The following TAFA5 variants were observed in gnomAD, a reference collection of about 807,000 sequenced individuals.
The protein encoded by TAFA5 is chemokine-like protein TAFA-5.
A neutral mutation model predicts 15.3 loss-of-function variants in TAFA5; 6 were observed. That is an observed-to-expected ratio of 0.39 (90% CI 0.21 to 0.77). The LOEUF is 0.77. Ranked by LOEUF, TAFA5 falls within the 30% of genes least tolerant of loss-of-function variation. The pLI, the probability that TAFA5 is intolerant of heterozygous loss-of-function variation, is 0.41. For missense variants in TAFA5, 161 were observed against 193.1 expected, an observed-to-expected ratio of 0.83 and a Z score of 0.98; for synonymous variants, 103 against 80.7, an observed-to-expected ratio of 1.28 and a Z score of -1.48.
rs527318072 is a variant in TAFA5 at position 48,533,791 on chromosome 22, C to G, written c.112+44087C>G. Among the ~76,000 whole-genome samples, 3 of 152,312 alleles carry G rather than the reference C, an allele frequency of 2.0e-5. No individual in the cohort carries two copies. The East Asian group carries it at 5.8e-4, about 29-fold the overall frequency. On this transcript the variant is annotated intron_variant, in intron 1 of 3. Transcript: ENST00000402357. ...CAAACCTTTTTTTTTCCTTTTCCCA[C>G]CTGTCCTTTCTTGCTGTACAGAGAA...
intron 1 of TAFA5, among the ~76,000 whole-genome samples, chr22:48,600,444 A>T (rs1036375705): frequency 2.0e-5 from 3 of 152,196 alleles, no homozygotes; most frequent in African/African-American, 7.2e-5. Context: ...TTGTGGCCAC[A>T]CGGGCCTTGT....
chr22:48,618,327 C>T (rs1925686462), intron 1 of TAFA5, among the ~76,000 whole-genome samples: 1 of 152,224 alleles, frequency 6.6e-6, no homozygotes, highest in East Asian at 1.9e-4. Flanking sequence ...AGCCTGTGCA[C>T]TGACGCTCGC....
At chr22:48,643,757 C>T (rs1282819455) in intron 1 of TAFA5, among the ~76,000 whole-genome samples, 4 of 152,286 alleles carry the variant, frequency 2.6e-5, no homozygotes, top group African/African-American at 9.6e-5. Flanking sequence ...TCCAGAGCTG[C>T]CCCATTTTGG....
intron 1 of TAFA5, among the ~76,000 whole-genome samples, chr22:48,534,794 G>A (rs896475202): frequency 6.6e-6 from 1 of 152,192 alleles, no homozygotes; most frequent in African/African-American, 2.4e-5. Flanking sequence ...AGCGGGCTCT[G>A]CTGCAGGTCA....
Position 48,693,039 on chromosome 22 carries a change from C to T in TAFA5, c.263-14678C>T, listed in dbSNP as rs184068558. Among the ~76,000 whole-genome samples the T allele has an allele frequency of 9.0e-4, 137 of 152,290 alleles. 1 individual carries two copies. The Middle Eastern group carries it at 0.014, about 15-fold the overall frequency. On this transcript the variant is annotated intron_variant, in intron 2 of 3. Transcript: ENST00000402357. ...CACAGAACTCAGCAGAACTCAGCAG[C>T]GTGTTTGTCAAGGGCACTTACTCAG... is the stretch of plus-strand genomic sequence containing the variant.
intron 1 of TAFA5, chr22:48,576,509 TG>T: frequency 6.6e-7 from 1 of 1,505,036 alleles, no homozygotes; most frequent in African/African-American, 1.4e-5. Context: ...CTCTGGGCAC[TG>T]GCAGGGGCCG....
At chr22:48,492,127 TC>T (rs71316947) in intron 1 of TAFA5, among the ~76,000 whole-genome samples, 172 of 147,174 alleles carry the variant, frequency 1.2e-3, no homozygotes, top group African/African-American at 3.6e-3. Flanking sequence ...AGAAAAAAAA[TC>T]CCCCCCCCTT....
chr22:48,602,740 C>T (rs572442473), intron 1 of TAFA5, among the ~76,000 whole-genome samples: 3 of 152,170 alleles, frequency 2.0e-5, no homozygotes, highest in Non-Finnish European at 2.9e-5. Flanking sequence ...TTGAAGTGTC[C>T]GGGACCTGCT....
At chr22:48,529,941 T>C (rs1375117665) in intron 1 of TAFA5, among the ~76,000 whole-genome samples, 1 of 152,094 alleles carries the variant, frequency 6.6e-6, no homozygotes, top group Non-Finnish European at 1.5e-5. Flanking sequence ...GGGACAACCC[T>C]TCTCCCTTCA....
intron 1 of TAFA5, chr22:48,539,526 C>T (rs1315718298): frequency 4.3e-6 from 2 of 467,212 alleles, no homozygotes; most frequent in Admixed American, 2.4e-5. Context: ...CAGTTTGTCA[C>T]TGCAACTTTT....
At chr22:48,704,970 GGA>G (rs896717152) in intron 2 of TAFA5, among the ~76,000 whole-genome samples, 3 of 151,522 alleles carry the variant, frequency 2.0e-5, no homozygotes, top group Non-Finnish European at 2.9e-5. Context: ...GCTGGGGAGG[GGA>G]GAGAGAGAGA....
Position 48,530,379 on chromosome 22 carries a change from C to G in TAFA5, c.112+40675C>G, listed in dbSNP as rs1166594440. On this transcript the variant is annotated intron_variant, in intron 1 of 3. Coordinates refer to ENST00000402357, the MANE Select transcript of TAFA5 (RefSeq NM_001082967.3). This position sits in a 1 kb window ranked among gnomAD's most constrained non-coding sequence, Gnocchi z 6.0. Reference sequence around the variant, plus strand: ...ACAGGGGCCATCACCTGCTGGAGCCCAGAGAAGGAATGCACCGGGCACTGT... The same window carrying G: ...ACAGGGGCCATCACCTGCTGGAGCCGAGAGAAGGAATGCACCGGGCACTGT... 6.6e-6 allele frequency among the ~76,000 whole-genome samples: 1 copy of G among 152,164 alleles called. No homozygotes were observed. Among genetic ancestry groups the G allele is most frequent in the Non-Finnish European group, 1.5e-5 (1 of 68,020 alleles).
intron 1 of TAFA5, among the ~76,000 whole-genome samples, chr22:48,523,230 C>T (rs1242123009): frequency 1.3e-5 from 2 of 152,184 alleles, no homozygotes; most frequent in Non-Finnish European, 2.9e-5. Context: ...CACTTCGTGG[C>T]GCTTGGCTCC....
chr22:48,643,511 C>T (rs550892510), intron 1 of TAFA5, among the ~76,000 whole-genome samples: 14 of 152,296 alleles, frequency 9.2e-5, no homozygotes, highest in East Asian at 1.9e-4. Context: ...CTGCCCAGTG[C>T]GTGGCACCTG....
intron 1 of TAFA5, among the ~76,000 whole-genome samples, chr22:48,493,537 A>C (rs908796863): frequency 7.2e-5 from 11 of 152,214 alleles, no homozygotes; most frequent in Admixed American, 6.5e-4. Flanking sequence ...GGAGTTCTCG[A>C]AGAGGTAAAA....
intron 2 of TAFA5, among the ~76,000 whole-genome samples, chr22:48,680,666 T>G (rs1928155380): frequency 6.6e-6 from 1 of 152,222 alleles, no homozygotes; most frequent in African/African-American, 2.4e-5. Context: ...AGGCCCCTTG[T>G]GCATGCCAGG....
At chr22:48,576,829 G>A (rs891264393) in intron 1 of TAFA5, among the ~76,000 whole-genome samples, 1 of 151,772 alleles carries the variant, frequency 6.6e-6, no homozygotes, top group African/African-American at 2.4e-5. Context: ...CGGTGCCTCT[G>A]GCGCCGCCCC....
At chr22:48,735,215 G>C (rs989820142) in intron 3 of TAFA5, among the ~76,000 whole-genome samples, 1 of 152,292 alleles carries the variant, frequency 6.6e-6, no homozygotes, top group East Asian at 1.9e-4. Flanking sequence ...CTACCAAGGA[G>C]CTGGGAGCTG....
chr22:48,500,770 C>T (rs1920947463), intron 1 of TAFA5, among the ~76,000 whole-genome samples: 1 of 152,232 alleles, frequency 6.6e-6, no homozygotes, highest in Non-Finnish European at 1.5e-5. Flanking sequence ...AGCCTGCCGT[C>T]GCCGCCTCGG....
Sources: gnomAD v4.1 joint callset for allele counts (sites outside exome capture counted in the v4.1 genomes callset) on GRCh38, gnomAD v4.1.1 for gene constraint, Gnocchi (gnomAD v3.1) non-coding constraint, MANE v1.5 for transcripts, NCBI Gene and HGNC (gene_info 2026-07-23, HGNC 2026-07-21) for gene names.